The following MTCH1 variants were observed in gnomAD, a reference collection of about 807,000 sequenced individuals.
The protein encoded by MTCH1 is mitochondrial carrier 1, also known as mitochondrial carrier homolog 1.
In MTCH1, 23 loss-of-function variants were observed where a neutral mutation model predicts 49.3. That is an observed-to-expected ratio of 0.47 (90% CI 0.34 to 0.66). MTCH1 has a LOEUF of 0.66. Ranked by LOEUF, MTCH1 falls within the 30% of genes least tolerant of loss-of-function variation. The probability of loss-of-function intolerance (pLI) is 0.01; values close to 1 mark genes in which losing one functional copy is unlikely to be tolerated. For missense variants in MTCH1, 397 were observed against 532.1 expected (o/e 0.75, Z 2.50); for synonymous variants, 229 against 215.2 (o/e 1.06, Z -0.56).
At position 36,982,097 on chromosome 6, in the gene MTCH1, A is replaced by C. The variant is rs1764119543; in HGVS notation, c.322-425T>G. On this transcript the variant is annotated intron_variant, in intron 1 of 11. Transcript: ENST00000373627. This position sits in a 1 kb window ranked among gnomAD's most constrained non-coding sequence, Gnocchi z 4.1. ...AAATGTGGCAATAAGAAAATACATCATACCCAAACCTCAGACAGGTCAGCC... is the reference window on the plus strand; with the variant it reads ...AAATGTGGCAATAAGAAAATACATCCTACCCAAACCTCAGACAGGTCAGCC... 6.6e-6 allele frequency among the ~76,000 whole-genome samples: 1 copy of C among 152,192 alleles called. No individual in the cohort carries two copies. Among genetic ancestry groups the C allele is most frequent in the South Asian group, 2.1e-4 (1 of 4,830 alleles).
chr6:36,971,551 G>A (rs1343143769), intron 8 of MTCH1, among the ~76,000 whole-genome samples: 2 of 151,808 alleles, frequency 1.3e-5, no homozygotes, highest in African/African-American at 4.8e-5. Context: ...TGCAGATGGG[G>A]TGGGTCTCTA....
upstream of MTCH1, chr6:36,986,268 G>T (rs865991958): frequency 3.7e-4 from 428 of 1,168,836 alleles, 1 homozygote; most frequent in Middle Eastern, 2.5e-3. Context: ...ACTCCAGGCC[G>T]CGGGGGAGCT....
At position 36,975,715 on chromosome 6, in the gene MTCH1, C is replaced by T; in HGVS notation, c.704G>A (p.Gly235Asp). The T allele has an allele frequency of 6.2e-7, 1 of 1,614,058 alleles. No homozygotes were observed. The highest frequency in any genetic ancestry group is 8.5e-7 in the Non-Finnish European group (1 of 1,179,944). Reference sequence around the variant, plus strand: ...AATCTTCCCAATGGAGCTCAGCACACCACTGTGAAGAAGGCAAGACAGAGA... The same window carrying T: ...AATCTTCCCAATGGAGCTCAGCACATCACTGTGAAGAAGGCAAGACAGAGA... ...QFVGREAKYS[G>D]VLSSIGKIFK... The change falls in exon 7 of 12, where the codon GGT becomes GAT. Residue 235 changes from glycine (G) to aspartate (D), a missense_variant and splice_region_variant. Coordinates refer to ENST00000373627, the MANE Select transcript of MTCH1 (RefSeq NM_001271641.2).
At chr6:36,969,215 G>A (rs1763585512) in intron 11 of MTCH1, 1 of 985,308 alleles carries the variant, frequency 1.0e-6, no homozygotes. Flanking sequence ...CTAGAGAGGA[G>A]GCTCATTGCC....
chr6:36,978,477 G>A (rs369205303), intron 3 of MTCH1, 28 bp downstream of exon 3: 14 of 1,606,790 alleles, frequency 8.7e-6, no homozygotes, highest in Admixed American at 3.3e-5. Flanking sequence ...AACCTCGGGC[G>A]ACTGTTCCTG....
At chr6:36,969,233 C>T in intron 11 of MTCH1, 3 of 985,452 alleles carry the variant, frequency 3.0e-6, no homozygotes, top group Non-Finnish European at 3.6e-6. Flanking sequence ...GCCCCTCTTG[C>T]TTCAGAGCCC....
chr6:36,983,609 C>G (rs963276076), intron 1 of MTCH1, among the ~76,000 whole-genome samples: 1 of 152,196 alleles, frequency 6.6e-6, no homozygotes, highest in South Asian at 2.1e-4. Flanking sequence ...ATTTCAACCT[C>G]AAATCTGTTA....
intron 2 of MTCH1, among the ~76,000 whole-genome samples, chr6:36,980,494 T>C (rs1450590392): frequency 2.0e-5 from 3 of 152,208 alleles, no homozygotes; most frequent in Non-Finnish European, 2.9e-5. Context: ...TGACAATTTT[T>C]AAGTAAAAAA....
chr6:36,986,368 T>C, upstream of MTCH1: 1 of 443,504 alleles, frequency 2.3e-6, no homozygotes, highest in East Asian at 4.1e-5. Context: ...GGGCCGGGGG[T>C]CAATGGTGGC....
Position 36,985,914 on chromosome 6 carries a change from G to A in MTCH1, c.260C>T (p.Ala87Val). 6.4e-7 allele frequency: 1 copy of A among 1,556,348 alleles called. No individual in the cohort carries two copies. The highest frequency in any genetic ancestry group is 8.7e-7 in the Non-Finnish European group (1 of 1,150,108). ...NAPTTEALFVALGAGVTALSH... is the reference protein window; with the variant it reads ...NAPTTEALFVVLGAGVTALSH... ...GAGCGCCGTCACGCCCGCGCCCAGT[G>A]CCACGAAAAGAGCCTCAGTGGTCGG... The change falls in exon 1 of 12, where the codon GCA becomes GTA. Residue 87 changes from alanine (A) to valine (V), a missense_variant. Ala to Val is a moderately conservative substitution (Grantham distance 64). Transcript: ENST00000373627.
At chr6:36,978,640 T>G (rs770438263) in intron 2 of MTCH1, 29 bp from the exon 3 acceptor site, 2 of 1,604,940 alleles carry the variant, frequency 1.2e-6, no homozygotes, top group South Asian at 2.2e-5. Flanking sequence ...GGCAGAGGAG[T>G]CACACCCAGT....
intron 6 of MTCH1, 26 bp from the exon 7 acceptor site, chr6:36,975,743 C>G: frequency 6.2e-7 from 1 of 1,609,632 alleles, no homozygotes; most frequent in Non-Finnish European, 8.5e-7. Flanking sequence ...GACAGAGATA[C>G]AGGGTCATGC....
chr6:36,970,093 AG>A lies in MTCH1; in HGVS notation c.1043del (p.Pro348LeufsTer16). ...NNCGLQAGLPPYSPVFKSWIH... is the reference protein window; with the variant it reads ...NNCGLQAGLPXYSPVFKSWIH... ...TCCAGGATTTGAACACTGGGGAGTAAGGGGGGAGCCCAGCTTGCAGCCTGCC... is the reference window on the plus strand; with the variant it reads ...TCCAGGATTTGAACACTGGGGAGTAAGGGGGAGCCCAGCTTGCAGCCTGCC... On this transcript the variant is annotated frameshift_variant, in exon 11 of 12. Transcript: ENST00000373627. LOFTEE classifies it high-confidence loss of function. The A allele has an allele frequency of 6.2e-7, 1 of 1,614,114 alleles. No individual in the cohort carries two copies. Among genetic ancestry groups the A allele is most frequent in the Non-Finnish European group, 8.5e-7 (1 of 1,179,998 alleles).
At chr6:36,975,582 G>A (rs939117476) in intron 7 of MTCH1, 76 bp downstream of exon 7, 21 of 1,422,300 alleles carry the variant, frequency 1.5e-5, no homozygotes, top group Non-Finnish European at 1.9e-5. Flanking sequence ...CAGCAGCTGC[G>A]GTCTGAGAGG....
rs1413609090 is a variant in MTCH1, at chr6:36,977,820, A to C, written c.592-129T>G. 3.4e-6 allele frequency: 3 copies of C among 883,766 alleles called. No homozygotes were observed. Among genetic ancestry groups the C allele is most frequent in the Non-Finnish European group, 5.3e-6 (3 of 565,770 alleles). 54.7% of individuals were successfully genotyped at this position (883,766 alleles called of 1,614,324 possible). A position where few individuals can be genotyped will look rare whatever the true frequency, so the allele number is the denominator to read the frequency against. On this transcript the variant is annotated intron_variant, in intron 4 of 11. Transcript: ENST00000373627. The surrounding 1 kb of genome is among the most constrained non-coding windows in gnomAD (Gnocchi z 5.4). ...GACTGCACATGGGGTCGGTCTGCCA[A>C]GGATGGCTCCACCTGTTGCCCACTC...
rs1320771339 is a variant in MTCH1, at chr6:36,975,891, G to A, written c.702-174C>T. On this transcript the variant is annotated intron_variant, in intron 6 of 11. Coordinates refer to ENST00000373627, the MANE Select transcript of MTCH1 (RefSeq NM_001271641.2). ...GAAAGGCAAAGAGCGCTTGTTCAGG[G>A]TGAGGAGGAGTTTACACAGTTCATG... Among the ~76,000 whole-genome samples, 5 of 152,302 alleles carry A rather than the reference G, an allele frequency of 3.3e-5. No homozygotes were observed. In the East Asian group the frequency reaches 9.7e-4, roughly 29 times the overall value.
chr6:36,978,600 C>A lies in MTCH1; in HGVS notation c.418G>T (p.Val140Leu), dbSNP rs765965617. ...PSFFTYAKYI[V>L]QVDGKIGLFR... ...AGCCCTATCTTACCATCCACTTGCA[C>A]GATGTACTTGGCTGTAAGAAAACAG... Residue 140 changes from valine to leucine, a missense_variant, in exon 3 of 12, where the codon GTG (valine) becomes TTG (leucine). Transcript: ENST00000373627. 1 of 1,613,906 alleles carries A rather than the reference C, an allele frequency of 6.2e-7. No individual in the cohort carries two copies. Among genetic ancestry groups the A allele is most frequent in the African/African-American group, 1.3e-5 (1 of 74,900 alleles).
chr6:36,986,247 C>T (rs745977431), upstream of MTCH1: 768 of 1,303,932 alleles, frequency 5.9e-4, 3 homozygotes, highest in Non-Finnish European at 2.1e-4. Context: ...GGGGCGGGGC[C>T]GGGGCGCACC....
At position 36,986,126 on chromosome 6, in the gene MTCH1, G is replaced by A. The variant is rs778659193; in HGVS notation, c.48C>T (p.Ala16=). 11 of 1,435,384 alleles carry A rather than the reference G, an allele frequency of 7.7e-6. No homozygotes were observed. Among genetic ancestry groups the A allele is most frequent in the African/African-American group, 7.6e-5 (5 of 66,138 alleles). 88.9% of individuals were successfully genotyped at this position (1,435,384 alleles called of 1,614,324 possible). The change falls in exon 1 of 12, where the codon GCC becomes GCT. Residue 16 remains alanine, a synonymous_variant. Transcript: ENST00000373627. ...PEVAPWARGG[A]AGMAGAGAGA... ...CAGCTCCGGCTCCCGCCATCCCCGCGGCACCGCCGCGAGCCCAGGGCGCCA... is the reference window on the plus strand; with the variant it reads ...CAGCTCCGGCTCCCGCCATCCCCGCAGCACCGCCGCGAGCCCAGGGCGCCA...
Sources: gnomAD v4.1 joint callset for allele counts (sites outside exome capture counted in the v4.1 genomes callset) on GRCh38, gnomAD v4.1.1 for gene constraint, Gnocchi (gnomAD v3.1) non-coding constraint, MANE v1.5 for transcripts, NCBI Gene and HGNC (gene_info 2026-07-23, HGNC 2026-07-21) for gene names.